Variants in VPS11 observed in about 807,000 individuals in gnomAD.
The protein encoded by VPS11 is VPS11 core subunit of CORVET and HOPS complexes.
In VPS11, 51 loss-of-function variants were observed where a neutral mutation model predicts 106.8. The ratio of observed to expected loss-of-function variants is 0.48; its 90% confidence interval spans 0.38 to 0.60. The LOEUF (loss-of-function observed/expected upper bound fraction) is 0.60, where lower values mean the gene tolerates loss of function less well. Ranked by LOEUF, VPS11 falls within the 20% of genes least tolerant of loss-of-function variation. VPS11 has a pLI of 0.00. For missense variants in VPS11, 950 were observed against 1,190.0 expected (o/e 0.80, Z 2.97); for synonymous variants, 453 against 458.7 (o/e 0.99, Z 0.16).
chr11:119,076,490 C>T (rs1158607737), intron 7 of VPS11, among the ~76,000 whole-genome samples: 3 of 151,430 alleles, frequency 2.0e-5, no homozygotes, highest in Non-Finnish European at 4.4e-5. Context: ...CGTGCCACTG[C>T]ACTCCAGCCT....
At chr11:119,073,711 C>T (rs1945488472) in intron 6 of VPS11, 89 bp from the exon 7 acceptor site, 2 of 1,415,962 alleles carry the variant, frequency 1.4e-6, no homozygotes, top group Non-Finnish European at 1.9e-6. Context: ...AAATCCAGGA[C>T]TTTCTGTTTT....
At chr11:119,073,428 C>T (rs1478249460) in intron 6 of VPS11, 29 bp downstream of exon 6, 8 of 1,606,892 alleles carry the variant, frequency 5.0e-6, no homozygotes, top group Non-Finnish European at 6.8e-6. Context: ...CAGAGCTGGC[C>T]ACAGGCACCT....
In VPS11 at chr11:119,081,103, T is replaced by G; in HGVS notation, c.2450T>G (p.Phe817Cys). 1 of 1,613,942 alleles carries G rather than the reference T, an allele frequency of 6.2e-7. No individual in the cohort carries two copies. Among genetic ancestry groups the G allele is most frequent in the Non-Finnish European group, 8.5e-7 (1 of 1,179,804 alleles). Reference protein sequence around the residue: ...IQELKASPKIFQKTKCSICNS... With the variant: ...IQELKASPKICQKTKCSICNS... ...TTTCTTCCCTGTAGTCCTAAGATTT[T>G]CCAAAAGACCAAGTGCAGCATCTGT... The change falls in exon 15 of 16, where the codon TTC becomes TGC. Residue 817 changes from phenylalanine (F) to cysteine (C), a missense_variant. Phe to Cys is a radical substitution (Grantham distance 205). Around this residue, in one of 3 missense-constraint regions of VPS11, gnomAD observed 453 missense variants for 514.6 expected, o/e 0.88. Coordinates refer to ENST00000621676, the MANE Select transcript of VPS11 (RefSeq NM_021729.6).
In VPS11 at chr11:119,077,650, A is replaced by T; in HGVS notation, c.1572+3A>T. On this transcript the variant is annotated splice_donor_region_variant and intron_variant, in intron 9 of 15. Coordinates refer to ENST00000621676, the MANE Select transcript of VPS11 (RefSeq NM_021729.6). ...AGATCCAGCTAGAAGACATTAAGGT[A>T]GGTGAGACTGTCTTTTTTCCCCAAG... The T allele has an allele frequency of 6.3e-7, 1 of 1,586,854 alleles. No individual in the cohort carries two copies.
chr11:119,073,732 C>A, intron 6 of VPS11, 68 bp from the exon 7 acceptor site: 1 of 1,527,608 alleles, frequency 6.5e-7, no homozygotes, highest in Non-Finnish European at 9.0e-7. Context: ...GTGTGTTGTG[C>A]GCACATTTTG....
chr11:119,074,494 C>T (rs566672189), intron 7 of VPS11, among the ~76,000 whole-genome samples: 4 of 151,788 alleles, frequency 2.6e-5, no homozygotes, highest in South Asian at 2.1e-4. Flanking sequence ...CAACCTCTGC[C>T]TCGGGTTCAA....
intron 7 of VPS11, among the ~76,000 whole-genome samples, chr11:119,074,231 C>T (rs148540530): frequency 0.015 from 2,343 of 152,026 alleles, 57 homozygotes; most frequent in African/African-American, 0.052. Flanking sequence ...ATTACAGGCG[C>T]GTGCCACCAC....
chr11:119,069,401 G>C lies in VPS11; in HGVS notation c.337-41G>C, dbSNP rs782702686. 6.2e-6 allele frequency: 10 copies of C among 1,613,710 alleles called. No individual in the cohort carries two copies. In the Admixed American group the frequency reaches 1.7e-4, roughly 27 times the overall value. On this transcript the variant is annotated intron_variant, in intron 2 of 15. Transcript: ENST00000621676. Reference sequence around the variant, plus strand: ...AGAAGCCTAGGAATGATTTTTTGTTGGAGGATGACTAGCATTTACACTTCT... The same window carrying C: ...AGAAGCCTAGGAATGATTTTTTGTTCGAGGATGACTAGCATTTACACTTCT...
rs1464304708 is a variant in VPS11 at position 119,073,921 on chromosome 11, A to G, written c.1208A>G (p.Asn403Ser). 1.9e-6 allele frequency: 3 copies of G among 1,613,450 alleles called. No homozygotes were observed. The highest frequency in any genetic ancestry group is 1.7e-6 in the Non-Finnish European group (2 of 1,179,744). The change falls in exon 7 of 16, where the codon AAC becomes AGC. Residue 403 changes from asparagine (N) to serine (S), a missense_variant. This residue lies in a region of VPS11 where 435 missense variants were observed against 630.2 expected (regional missense o/e 0.69). Coordinates refer to ENST00000621676, the MANE Select transcript of VPS11 (RefSeq NM_021729.6). Reference protein sequence around the residue: ...QYGDHLYSKGNHDGAVQQYIR... With the variant: ...QYGDHLYSKGSHDGAVQQYIR... Reference sequence around the variant, plus strand: ...GGAGACCATCTCTACAGCAAGGGCAACCACGATGGGGCTGTCCAGCAATAT... The same window carrying G: ...GGAGACCATCTCTACAGCAAGGGCAGCCACGATGGGGCTGTCCAGCAATAT...
intron 13 of VPS11, 50 bp downstream of exon 13, chr11:119,079,047 C>G: frequency 6.2e-7 from 1 of 1,612,494 alleles, no homozygotes; most frequent in Non-Finnish European, 8.5e-7. Context: ...CAGCTGGGCT[C>G]TGTGGCAGGG....
chr11:119,069,546 T>C lies in VPS11; in HGVS notation c.441T>C (p.Thr147=). The change falls in exon 3 of 16, where the codon ACT becomes ACC. Residue 147 remains threonine, a synonymous_variant. Coordinates refer to ENST00000621676, the MANE Select transcript of VPS11 (RefSeq NM_021729.6). ...AGCCAACTGTTGTATCTTGTTTGAC[T>C]GTCCATGAAAATCTCAACTTTATGG... The part of the protein sequence containing the change: ...GTEPTVVSCL[T]VHENLNFMAI... 1 of 1,614,064 alleles carries C rather than the reference T, an allele frequency of 6.2e-7. No homozygotes were observed. Among genetic ancestry groups the C allele is most frequent in the Middle Eastern group, 1.6e-4 (1 of 6,062 alleles).
intron 4 of VPS11, among the ~76,000 whole-genome samples, 177 bp from the exon 5 acceptor site, chr11:119,071,419 C>G (rs918186628): frequency 1.3e-5 from 2 of 151,858 alleles, no homozygotes; most frequent in Non-Finnish European, 2.9e-5. Context: ...AAATTGTGAT[C>G]TCTGGTTATA....
At position 119,073,059 on chromosome 11, in the gene VPS11, G is replaced by A. The variant is rs750855836; in HGVS notation, c.885-139G>A. ...CTCTATGTACAACTACCGGCACAGC[G>A]CTGCATGTTATGGGATGAGAGGGAC... is the stretch of plus-strand genomic sequence containing the variant. On this transcript the variant is annotated intron_variant, in intron 5 of 15. Transcript: ENST00000621676. The A allele has an allele frequency of 3.0e-4, 276 of 910,776 alleles. 1 individual carries two copies. The highest frequency in any genetic ancestry group is 3.0e-4 in the Non-Finnish European group (178 of 592,626). 56.4% of individuals were successfully genotyped at this position (910,776 alleles called of 1,614,324 possible). A position where few individuals can be genotyped will look rare whatever the true frequency, so the allele number is the denominator to read the frequency against.
At chr11:119,068,994 G>GCCCCCCC (rs1412933027) in intron 1 of VPS11, among the ~76,000 whole-genome samples, 1 of 12,224 alleles carries the variant, frequency 8.2e-5, no homozygotes, top group Non-Finnish European at 1.4e-4. Flanking sequence ...CAGGTGATCC[G>GCCCCCCC]CACCCCCCCC....
Position 119,077,970 on chromosome 11 carries a change from C to T in VPS11, c.1665C>T (p.His555=). ...GCTACGGCAAGATCCTCATGCACCA[C>T]ATACCAGAGCAGACAACTCAGTTGC... ...MKRYGKILMH[H]IPEQTTQLLK... The change falls in exon 10 of 16, where the codon CAC becomes CAT. Residue 555 remains histidine (H), a synonymous_variant. Coordinates refer to ENST00000621676, the MANE Select transcript of VPS11 (RefSeq NM_021729.6). 2 of 1,613,992 alleles carry T rather than the reference C, an allele frequency of 1.2e-6. No individual in the cohort carries two copies. Among genetic ancestry groups the T allele is most frequent in the Non-Finnish European group, 1.7e-6 (2 of 1,179,906 alleles).
chr11:119,073,683 A>G, intron 6 of VPS11, 117 bp from the exon 7 acceptor site: 1 of 1,189,668 alleles, frequency 8.4e-7, no homozygotes, highest in Non-Finnish European at 1.2e-6. Context: ...TGGTTTGTCT[A>G]GGATCTAGGC....
At chr11:119,075,772 T>C (rs960530275) in intron 7 of VPS11, among the ~76,000 whole-genome samples, 108 of 151,598 alleles carry the variant, frequency 7.1e-4, no homozygotes, top group Admixed American at 2.1e-3. Flanking sequence ...TGTGGTGGCA[T>C]ATGCCTGTAA....
At position 119,077,860 on chromosome 11, in the gene VPS11, C is replaced by T; in HGVS notation, c.1573-18C>T. The T allele has an allele frequency of 1.2e-6, 2 of 1,613,586 alleles. No individual in the cohort carries two copies. The highest frequency in any genetic ancestry group is 2.2e-5 in the South Asian group (2 of 91,020). ...TGAGGCAGGAGTATACACTATTCTG[C>T]CCTTTACTTTTCCACAGAATTATCA... On this transcript the variant is annotated intron_variant, in intron 9 of 15. Transcript: ENST00000621676.
chr11:119,081,831 T>G lies in VPS11; in HGVS notation c.*208T>G. 1 of 662,598 alleles carries G rather than the reference T, an allele frequency of 1.5e-6. No individual in the cohort carries two copies. Among genetic ancestry groups the G allele is most frequent in the Non-Finnish European group, 2.5e-6 (1 of 401,848 alleles). The allele number at this position is 662,598 out of a possible 1,614,324, so 41.0% of individuals were successfully genotyped here. A position where few individuals can be genotyped will look rare whatever the true frequency, so the allele number is the denominator to read the frequency against. ...CCCTCCTCTTCACTAGCAGTGTAGA[T>G]CATTCCAGATCAGTGGGGGAGGGCA... On this transcript the variant is annotated 3_prime_UTR_variant, in exon 16 of 16. Transcript: ENST00000621676.
Sources: gnomAD v4.1 joint callset for allele counts (sites outside exome capture counted in the v4.1 genomes callset) on GRCh38, gnomAD v4.1.1 for gene constraint, gnomAD v4.1.1 regional missense constraint, MANE v1.5 for transcripts, NCBI Gene and HGNC (gene_info 2026-07-23, HGNC 2026-07-21) for gene names.